ADGRE3: variants seen among roughly 807,000 people sequenced by gnomAD.
ADGRE3 encodes EGF-like module receptor 3.
A neutral mutation model predicts 80.1 loss-of-function variants in ADGRE3; 88 were observed. That is an observed-to-expected ratio of 1.10 (90% CI 0.93 to 1.31). The LOEUF (loss-of-function observed/expected upper bound fraction) is 1.31, where lower values mean the gene tolerates loss of function less well. Among genes scored for constraint, ADGRE3 ranks in the 40% most tolerant of loss-of-function variants. The pLI is 0.00. For missense variants in ADGRE3, 715 were observed against 776.5 expected (o/e 0.92, Z 0.94); for synonymous variants, 281 against 294.8 (o/e 0.95, Z 0.48).
intron 14 of ADGRE3, among the ~76,000 whole-genome samples, chr19:14,629,634 G>A (rs1034412316): frequency 5.3e-5 from 8 of 152,220 alleles, no homozygotes; most frequent in African/African-American, 1.7e-4. Context: ...GCCTAAATCT[G>A]ATCTGCATCC....
chr19:14,640,808 G>T (rs1221753819), intron 10 of ADGRE3, among the ~76,000 whole-genome samples: 1 of 152,122 alleles, frequency 6.6e-6, no homozygotes, highest in Non-Finnish European at 1.5e-5. Context: ...AATTTCACGA[G>T]ATCTGATGGT....
chr19:14,639,408 A>T (rs1971185970), intron 10 of ADGRE3, among the ~76,000 whole-genome samples: 1 of 151,036 alleles, frequency 6.6e-6, no homozygotes, highest in Admixed American at 6.6e-5. Context: ...TATGATTATG[A>T]TTCTTTTTTT....
At position 14,636,134 on chromosome 19, in the gene ADGRE3, CTTTCTTT is replaced by C. The variant is rs1568481379; in HGVS notation, c.1484+1964_1484+1970del. Among the ~76,000 whole-genome samples the C allele has an allele frequency of 3.2e-4, 26 of 81,336 alleles. 2 individuals carry two copies. Among genetic ancestry groups the C allele is most frequent in the Admixed American group, 8.1e-4 (5 of 6,160 alleles). 53.4% of individuals were successfully genotyped at this position (81,336 alleles called of 152,430 possible). ...TCTTTCTTTCTTTCTTTCTTTCTTT[CTTTCTTT>C]CTTTCTTTCTTCCTTTCCTCCTTTC... On this transcript the variant is annotated intron_variant, in intron 11 of 15. Coordinates refer to ENST00000253673, the MANE Select transcript of ADGRE3 (RefSeq NM_032571.5).
downstream of ADGRE3, among the ~76,000 whole-genome samples, chr19:14,615,202 C>CTTTTTTTTTT (rs34167082): frequency 6.1e-5 from 4 of 65,634 alleles, no homozygotes; most frequent in African/African-American, 1.1e-4. Flanking sequence ...CAGCTGCCTT[C>CTTTTTTTTTT]TTTTTTTTTT....
intron 7 of ADGRE3, among the ~76,000 whole-genome samples, chr19:14,648,591 C>T (rs1971484062): frequency 6.6e-6 from 1 of 152,132 alleles, no homozygotes; most frequent in South Asian, 2.1e-4. Context: ...CTTGGTTAGG[C>T]CATGGTCCCC....
At chr19:14,633,530 C>A (rs1970943038) in intron 11 of ADGRE3, among the ~76,000 whole-genome samples, 1 of 151,844 alleles carries the variant, frequency 6.6e-6, no homozygotes, top group African/African-American at 2.4e-5. Flanking sequence ...CGTGGTGAAA[C>A]CCCATCTCTA....
intron 11 of ADGRE3, among the ~76,000 whole-genome samples, chr19:14,635,270 C>T (rs1226452551): frequency 6.6e-6 from 1 of 151,164 alleles, no homozygotes; most frequent in Non-Finnish European, 1.5e-5. Flanking sequence ...CTAATTAAAA[C>T]AATTTTTTTT....
chr19:14,629,925 G>C (rs562147407), intron 14 of ADGRE3, 114 bp downstream of exon 14: 4 of 626,754 alleles, frequency 6.4e-6, no homozygotes, highest in Non-Finnish European at 1.1e-5. Context: ...AGTGTTTACA[G>C]GTGGATTATA....
intron 15 of ADGRE3, among the ~76,000 whole-genome samples, chr19:14,624,791 C>G (rs1230844728): frequency 6.7e-6 from 1 of 148,372 alleles, no homozygotes; most frequent in African/African-American, 2.5e-5. Flanking sequence ...AAATTAAAAA[C>G]TAGAGGAAGC....
chr19:14,661,242 G>A (rs746972505), intron 4 of ADGRE3, among the ~76,000 whole-genome samples: 3 of 152,082 alleles, frequency 2.0e-5, no homozygotes, highest in African/African-American at 4.8e-5. Context: ...CCTCCCAGCC[G>A]GTGGTCATAT....
chr19:14,652,385 G>A (rs1971632049), intron 6 of ADGRE3, among the ~76,000 whole-genome samples: 1 of 152,002 alleles, frequency 6.6e-6, no homozygotes, highest in Non-Finnish European at 1.5e-5. Flanking sequence ...GTTGAATTGG[G>A]TGATGGGTGC....
At position 14,638,357 on chromosome 19, in the gene ADGRE3, G is replaced by T. The variant is rs775831876; in HGVS notation, c.1249-17C>A. On this transcript the variant is annotated splice_polypyrimidine_tract_variant and intron_variant, in intron 10 of 15. Transcript: ENST00000253673. The stretch of plus-strand genomic sequence containing the variant: ...GCACAGCACCTGGGGGAGGAGAAAG[G>T]GATGCCTGAAGGGGTTGTCAGGGTG... The T allele has an allele frequency of 1.2e-6, 2 of 1,604,116 alleles. No homozygotes were observed. The highest frequency in any genetic ancestry group is 8.5e-7 in the Non-Finnish European group (1 of 1,171,232).
downstream of ADGRE3, among the ~76,000 whole-genome samples, chr19:14,617,529 C>G (rs1286568496): frequency 6.6e-6 from 1 of 151,662 alleles, no homozygotes; most frequent in Non-Finnish European, 1.5e-5. Context: ...TCCCAAGTAG[C>G]TGGGATTACA....
intron 15 of ADGRE3, among the ~76,000 whole-genome samples, chr19:14,620,563 T>C (rs1377085101): frequency 0.2 from 9,317 of 46,682 alleles, 2,093 homozygotes; most frequent in African/African-American, 0.22. Flanking sequence ...TATATATATA[T>C]ATATATTTTT....
chr19:14,669,672 A>G (rs1259674925), intron 1 of ADGRE3, among the ~76,000 whole-genome samples: 1 of 152,058 alleles, frequency 6.6e-6, no homozygotes, highest in African/African-American at 2.4e-5. Context: ...TACTTTTAGT[A>G]GAGAGGTGGG....
chr19:14,641,828 T>C (rs1331166072), intron 9 of ADGRE3, among the ~76,000 whole-genome samples: 4 of 152,196 alleles, frequency 2.6e-5, no homozygotes, highest in Non-Finnish European at 5.9e-5. Context: ...CCAATGTAGA[T>C]TGTTAATACA....
chr19:14,664,433 C>T (rs558529180), intron 2 of ADGRE3, among the ~76,000 whole-genome samples: 14 of 152,194 alleles, frequency 9.2e-5, no homozygotes, highest in African/African-American at 2.9e-4. Context: ...ATGGTGAGCA[C>T]GCCTGTTGAC....
chr19:14,650,145 TCTCTCTCTTTCCAC>T (rs1217998771), intron 7 of ADGRE3, among the ~76,000 whole-genome samples: 1 of 147,090 alleles, frequency 6.8e-6, no homozygotes, highest in African/African-American at 2.5e-5. Context: ...TCTCTACTCA[TCTCTCTCTTTCCAC>T]CTCTCTTCCT....
chr19:14,623,455 A>C (rs1353494110), intron 15 of ADGRE3, among the ~76,000 whole-genome samples: 1 of 152,194 alleles, frequency 6.6e-6, no homozygotes, highest in Non-Finnish European at 1.5e-5. Context: ...ACGAAATGTC[A>C]CATAGTGCAG....
Sources: gnomAD v4.1 joint callset for allele counts (sites outside exome capture counted in the v4.1 genomes callset) on GRCh38, gnomAD v4.1.1 for gene constraint, MANE v1.5 for transcripts, NCBI Gene and HGNC (gene_info 2026-07-23, HGNC 2026-07-21) for gene names.